Variants in CHN1 observed in about 807,000 individuals in gnomAD.
The protein encoded by CHN1 is N-chimaerin.
A neutral mutation model predicts 59.5 loss-of-function variants in CHN1; 37 were observed. The ratio of observed to expected loss-of-function variants is 0.62; its 90% CI spans 0.48 to 0.82. CHN1 has a LOEUF of 0.82. Ranked by LOEUF, CHN1 falls within the 40% of genes least tolerant of loss-of-function variation. The probability of loss-of-function intolerance (pLI) is 0.00; values close to 1 mark genes in which losing one functional copy is unlikely to be tolerated. For synonymous variants in CHN1, 206 were observed against 200.4 expected, an observed-to-expected ratio of 1.03 and a Z score of -0.24; for missense variants, 469 against 571.0, an observed-to-expected ratio of 0.82 and a Z score of 1.82.
intron 3 of CHN1, among the ~76,000 whole-genome samples, chr2:174,923,234 G>A (rs1368100901): frequency 6.6e-6 from 1 of 151,780 alleles, no homozygotes; most frequent in Non-Finnish European, 1.5e-5. Flanking sequence ...TCCGCCTCCT[G>A]GGTTCACGCC....
chr2:174,924,982 T>A (rs562835860), intron 3 of CHN1, among the ~76,000 whole-genome samples: 1 of 152,322 alleles, frequency 6.6e-6, no homozygotes, highest in Non-Finnish European at 1.5e-5. Flanking sequence ...TAGTTAACAT[T>A]TTTTCATTGA....
chr2:174,906,119 A>T (rs1310172446), intron 5 of CHN1, among the ~76,000 whole-genome samples: 1 of 151,024 alleles, frequency 6.6e-6, no homozygotes, highest in African/African-American at 2.4e-5. Flanking sequence ...CTAGGTATAT[A>T]CCCAAAAGAA....
At position 174,808,921 on chromosome 2, in the gene CHN1, C is replaced by G. The variant is rs377626683; in HGVS notation, c.1086G>C (p.Lys362Asn). ...IPLITYDAYPKFIESAKIMDP... is the reference protein window; with the variant it reads ...IPLITYDAYPNFIESAKIMDP... ...CATACTTACTGGCAGATTCTATAAACTTAGGGTAGGCATCATATGTAATGA... is the reference window on the plus strand; with the variant it reads ...CATACTTACTGGCAGATTCTATAAAGTTAGGGTAGGCATCATATGTAATGA... The change falls in exon 11 of 13, where the codon AAG becomes AAC. Residue 362 changes from lysine (K) to asparagine (N), a missense_variant. By Grantham distance (94) the Lys-to-Asn change is moderately conservative. Coordinates refer to ENST00000409900, the MANE Select transcript of CHN1 (RefSeq NM_001822.7). The G allele has an allele frequency of 3.2e-5, 51 of 1,613,702 alleles. No individual in the cohort carries two copies. In the African/African-American group the frequency reaches 6.0e-4, roughly 19 times the overall value.
rs554360448 is a variant in CHN1, at chr2:174,847,352, A to C, written c.550-395T>G. The C allele has an allele frequency of 1.6e-5, 20 of 1,289,372 alleles. No homozygotes were observed. In the East Asian group the frequency reaches 5.9e-4, roughly 38 times the overall value. The allele number at this position is 1,289,372 out of a possible 1,614,324, so 79.9% of individuals were successfully genotyped here. A position where few individuals can be genotyped will look rare whatever the true frequency, so the allele number is the denominator to read the frequency against. ...TTCTTCCTTTTTTTTTCTTAAAGGGATCTATATTCTAGCTTCTAAAAACTT... is the reference window on the plus strand; with the variant it reads ...TTCTTCCTTTTTTTTTCTTAAAGGGCTCTATATTCTAGCTTCTAAAAACTT... On this transcript the variant is annotated intron_variant, in intron 6 of 12. Coordinates refer to ENST00000409900, the MANE Select transcript of CHN1 (RefSeq NM_001822.7).
intron 8 of CHN1, among the ~76,000 whole-genome samples, chr2:174,817,638 C>CT (rs958427207): frequency 0.013 from 1,663 of 129,348 alleles, 26 homozygotes; most frequent in African/African-American, 0.028. Flanking sequence ...ATTTTTTTTT[C>CT]TTTTTTTTTT....
chr2:174,879,106 G>A (rs1196053940), intron 5 of CHN1, among the ~76,000 whole-genome samples: 4 of 152,120 alleles, frequency 2.6e-5, no homozygotes, highest in Admixed American at 2.6e-4. Context: ...AAGTCACAAA[G>A]GATATATTTA....
intron 5 of CHN1, among the ~76,000 whole-genome samples, chr2:174,888,783 A>G (rs1687963970): frequency 6.6e-6 from 1 of 152,184 alleles, no homozygotes; most frequent in Admixed American, 6.5e-5. Context: ...TTGGCTTTTT[A>G]GAGGGTTTCT....
intron 7 of CHN1, among the ~76,000 whole-genome samples, chr2:174,826,179 G>A (rs1427215825): frequency 6.6e-6 from 1 of 152,144 alleles, no homozygotes; most frequent in Non-Finnish European, 1.5e-5. Context: ...AGGAATGCAG[G>A]CACGGTAGCC....
At chr2:174,853,027 C>T (rs1036744738) in intron 6 of CHN1, among the ~76,000 whole-genome samples, 2 of 151,950 alleles carry the variant, frequency 1.3e-5, no homozygotes, top group Admixed American at 6.6e-5. Context: ...TTTTTCGTAT[C>T]AACTTTGGGA....
At chr2:174,946,793 G>A (rs531643201) in intron 2 of CHN1, among the ~76,000 whole-genome samples, 3 of 151,286 alleles carry the variant, frequency 2.0e-5, no homozygotes, top group Non-Finnish European at 2.9e-5. Flanking sequence ...GCCAGGCACA[G>A]TGGCTCACAC....
intron 1 of CHN1, among the ~76,000 whole-genome samples, chr2:174,989,533 A>G (rs1691468007): frequency 6.6e-6 from 1 of 152,120 alleles, no homozygotes; most frequent in Non-Finnish European, 1.5e-5. Flanking sequence ...GCTTTGAAGA[A>G]TTACACTTTG....
At position 175,005,252 on chromosome 2, in the gene CHN1, C is replaced by T; in HGVS notation, c.-340G>A. 1.7e-6 allele frequency: 2 copies of T among 1,169,308 alleles called. No individual in the cohort carries two copies. Among genetic ancestry groups the T allele is most frequent in the Non-Finnish European group, 2.1e-6 (2 of 945,682 alleles). The allele number at this position is 1,169,308 out of a possible 1,614,324, so 72.4% of individuals were successfully genotyped here. On this transcript the variant is annotated 5_prime_UTR_variant, in exon 1 of 13. Coordinates refer to ENST00000409900, the MANE Select transcript of CHN1 (RefSeq NM_001822.7). ...CGCGGCGCAGTGGCTGGCGGAGAGG[C>T]GGCGCCGCACTGGCGGCGGCGGCGG...
At chr2:174,975,456 G>A (rs1229672231) in intron 1 of CHN1, among the ~76,000 whole-genome samples, 3 of 151,974 alleles carry the variant, frequency 2.0e-5, no homozygotes, top group Admixed American at 6.5e-5. Flanking sequence ...TTGCAGGCAT[G>A]CAACACTTCA....
chr2:174,897,423 T>TTGTG (rs373042316), intron 5 of CHN1, among the ~76,000 whole-genome samples: 87 of 148,184 alleles, frequency 5.9e-4, no homozygotes, highest in African/African-American at 5.5e-4. Context: ...CTCTGTGTGC[T>TTGTG]TGTGTGTGTG....
At chr2:174,890,781 T>C (rs145345593) in intron 5 of CHN1, among the ~76,000 whole-genome samples, 2 of 152,168 alleles carry the variant, frequency 1.3e-5, no homozygotes, top group Non-Finnish European at 2.9e-5. Flanking sequence ...AGAATGCACA[T>C]TCTTCTCACA....
chr2:174,983,423 C>CA (rs886584807), intron 1 of CHN1, among the ~76,000 whole-genome samples: 1 of 151,228 alleles, frequency 6.6e-6, no homozygotes, highest in Non-Finnish European at 1.5e-5. Flanking sequence ...TGCCATGGGC[C>CA]AAAAAAACCC....
intron 2 of CHN1, chr2:174,945,242 G>T (rs906370850): frequency 2.2e-6 from 1 of 455,720 alleles, no homozygotes; most frequent in South Asian, 2.2e-5. Context: ...CCAGTTCTTT[G>T]TGGGGATATT....
At position 174,799,654 on chromosome 2, in the gene CHN1, T is replaced by C. The variant is rs749798715; in HGVS notation, c.*462A>G. 9.4e-6 allele frequency: 5 copies of C among 532,408 alleles called. No homozygotes were observed. The highest frequency in any genetic ancestry group is 3.7e-5 in the African/African-American group (2 of 53,748). 33.0% of individuals were successfully genotyped at this position (532,408 alleles called of 1,614,324 possible). ...AGGCATGTGATATGGTTTATGGTAATGTAACAGCCAGAGGTGCTGTTTTAT... is the reference window on the plus strand; with the variant it reads ...AGGCATGTGATATGGTTTATGGTAACGTAACAGCCAGAGGTGCTGTTTTAT... On this transcript the variant is annotated 3_prime_UTR_variant, in exon 13 of 13. Transcript: ENST00000409900.
intron 5 of CHN1, among the ~76,000 whole-genome samples, chr2:174,898,616 A>G (rs1688290615): frequency 6.6e-6 from 1 of 152,148 alleles, no homozygotes; most frequent in Non-Finnish European, 1.5e-5. Context: ...AAAAACAAAG[A>G]AATTGTCGCT....
Sources: allele counts gnomAD v4.1 joint callset (sites outside exome capture counted in the v4.1 genomes callset), GRCh38; gene constraint gnomAD v4.1.1; transcripts MANE v1.5; gene names NCBI Gene and HGNC (gene_info 2026-07-23, HGNC 2026-07-21).